The following HOMER2 variants were observed in gnomAD, a reference collection of about 807,000 sequenced individuals.
HOMER2 encodes the protein homer scaffold protein 2.
In HOMER2, 27 loss-of-function variants were observed where a neutral mutation model predicts 47.0. The observed-to-expected ratio is 0.57, with a 90% confidence interval of 0.42 to 0.79. The LOEUF is 0.79. Among genes scored for constraint, HOMER2 ranks in the 30% least tolerant of loss-of-function variants. HOMER2 has a pLI of 0.00. For missense variants in HOMER2, 443 were observed against 435.0 expected (o/e 1.02, Z -0.16); for synonymous variants, 161 against 163.8 (o/e 0.98, Z 0.13).
intron 1 of HOMER2, among the ~76,000 whole-genome samples, chr15:82,916,573 C>G (rs1198830185): frequency 6.6e-6 from 1 of 152,148 alleles, no homozygotes; most frequent in Non-Finnish European, 1.5e-5. Flanking sequence ...TCTCTTGCTT[C>G]CCAATCTAAA....
At chr15:82,982,831 T>C (rs924382429) in intron 1 of HOMER2, among the ~76,000 whole-genome samples, 1 of 152,322 alleles carries the variant, frequency 6.6e-6, no homozygotes, top group East Asian at 1.9e-4. Flanking sequence ...AGTTTTTCAA[T>C]TGTCACACTG....
At chr15:82,903,058 G>A (rs1596338107) in intron 1 of HOMER2, among the ~76,000 whole-genome samples, 1 of 152,172 alleles carries the variant, frequency 6.6e-6, no homozygotes, top group African/African-American at 2.4e-5. Context: ...AGAAAATGCT[G>A]AGCAAAGGAG....
At chr15:82,903,546 G>A (rs1432455681) in intron 1 of HOMER2, among the ~76,000 whole-genome samples, 2 of 152,140 alleles carry the variant, frequency 1.3e-5, no homozygotes, top group East Asian at 1.9e-4. Context: ...GAACTCGGGA[G>A]ACAGAGAGGT....
At chr15:82,859,325 AC>A in intron 4 of HOMER2, 190 bp from the exon 5 acceptor site, 1 of 732,006 alleles carries the variant, frequency 1.4e-6, no homozygotes, top group Non-Finnish European at 2.2e-6. Context: ...AAACAAACAA[AC>A]AAACAAAAAA....
upstream of HOMER2, among the ~76,000 whole-genome samples, chr15:82,955,837 T>C (rs1384670507): frequency 6.6e-6 from 1 of 152,168 alleles, no homozygotes; most frequent in African/African-American, 2.4e-5. Context: ...GTGTGAATGG[T>C]ATTAATCAAA....
chr15:82,921,037 G>A (rs1471672148), intron 1 of HOMER2, among the ~76,000 whole-genome samples: 1 of 152,114 alleles, frequency 6.6e-6, no homozygotes, highest in East Asian at 1.9e-4. Context: ...GCTCACACTT[G>A]TAATCCCAGC....
At chr15:82,930,903 G>A (rs973972673) in intron 1 of HOMER2, among the ~76,000 whole-genome samples, 2 of 151,166 alleles carry the variant, frequency 1.3e-5, no homozygotes, top group Non-Finnish European at 2.9e-5. Flanking sequence ...GCGGGCACCT[G>A]TAATCCCAGC....
At chr15:82,859,804 A>G (rs1346946689) in intron 4 of HOMER2, among the ~76,000 whole-genome samples, 2 of 152,116 alleles carry the variant, frequency 1.3e-5, no homozygotes, top group Admixed American at 1.3e-4. Context: ...AAATAAGTAC[A>G]TGGGCAAAGG....
chr15:82,851,629 G>A (rs3784376), intron 7 of HOMER2, among the ~76,000 whole-genome samples: 45,599 of 151,960 alleles, frequency 0.3, 7,049 homozygotes, highest in East Asian at 0.43. Context: ...GCTGGGCTGC[G>A]GTGTGGTGGG....
At chr15:82,910,724 T>G (rs1339752386) in intron 1 of HOMER2, among the ~76,000 whole-genome samples, 1 of 152,186 alleles carries the variant, frequency 6.6e-6, no homozygotes, top group Non-Finnish European at 1.5e-5. Flanking sequence ...TGGTCTTTGC[T>G]CCCTTCTAAA....
exon 2 of HOMER2, chr15:82,842,126 C>T (rs186966763): frequency 6.6e-6 from 1 of 151,860 alleles, no homozygotes; most frequent in East Asian, 1.9e-4. Context: ...CAATAGTAAC[C>T]ACACTAAAAA....
In HOMER2 at chr15:82,855,414, C is replaced by T. The variant is rs990763325; in HGVS notation, c.495-614G>A. 4.6e-5 allele frequency among the ~76,000 whole-genome samples: 7 copies of T among 151,820 alleles called. No individual in the cohort carries two copies. In the East Asian group the frequency reaches 1.4e-3, roughly 29 times the overall value. ...CATGAGGGCTGCAGGGCGGGCAAGGCCCATCCCATCCTCCTTACTGGCCGC... is the reference window on the plus strand; with the variant it reads ...CATGAGGGCTGCAGGGCGGGCAAGGTCCATCCCATCCTCCTTACTGGCCGC... On this transcript the variant is annotated intron_variant, in intron 5 of 8. Coordinates refer to ENST00000450735, the MANE Select transcript of HOMER2 (RefSeq NM_004839.4).
chr15:82,895,224 G>A (rs975733594), intron 1 of HOMER2, among the ~76,000 whole-genome samples: 1 of 152,176 alleles, frequency 6.6e-6, no homozygotes, highest in South Asian at 2.1e-4. Context: ...CTGGGGCTGT[G>A]GATTACTAGG....
chr15:82,943,028 A>T (rs1389390521), intron 1 of HOMER2, among the ~76,000 whole-genome samples: 2 of 152,182 alleles, frequency 1.3e-5, no homozygotes, highest in Non-Finnish European at 2.9e-5. Flanking sequence ...ATGGAAGCAC[A>T]TGTCATCCCC....
chr15:82,897,158 C>G (rs1439768461), intron 1 of HOMER2, among the ~76,000 whole-genome samples: 2 of 150,498 alleles, frequency 1.3e-5, no homozygotes, highest in Non-Finnish European at 3.0e-5. Context: ...CCTCCACCTC[C>G]TGGGTTTAAG....
At chr15:82,845,847 A>G (rs7182990), downstream of HOMER2, 72,122 of 152,076 alleles carry the variant, frequency 0.47, 17,494 homozygotes, top group Non-Finnish European at 0.51. Flanking sequence ...AGACTTTTCT[A>G]AAGAAAAAGA....
At chr15:82,901,309 C>T (rs2053108885) in intron 1 of HOMER2, among the ~76,000 whole-genome samples, 1 of 152,018 alleles carries the variant, frequency 6.6e-6, no homozygotes, top group African/African-American at 2.4e-5. Flanking sequence ...CAAAGGGGTG[C>T]AGAGGAGGAG....
chr15:82,902,423 C>A (rs1448080789), intron 1 of HOMER2, among the ~76,000 whole-genome samples: 1 of 152,118 alleles, frequency 6.6e-6, no homozygotes, highest in Non-Finnish European at 1.5e-5. Flanking sequence ...GTTTCAAACT[C>A]CTGACCTTGT....
intron 3 of HOMER2, 51 bp downstream of exon 3, chr15:82,875,222 A>G: frequency 6.3e-7 from 1 of 1,596,752 alleles, no homozygotes; most frequent in Non-Finnish European, 8.6e-7. Flanking sequence ...ATCACTGATG[A>G]GAATGGCATC....
Sources: allele counts gnomAD v4.1 joint callset (sites outside exome capture counted in the v4.1 genomes callset), GRCh38; gene constraint gnomAD v4.1.1; transcripts MANE v1.5; gene names NCBI Gene and HGNC (gene_info 2026-07-23, HGNC 2026-07-21).